The following PTPRT variants were observed in gnomAD, a reference collection of about 807,000 sequenced individuals.
PTPRT encodes the protein receptor-type tyrosine-protein phosphatase T.
Under a neutral mutation model 176.8 loss-of-function variants are expected in PTPRT, and 56 were observed. The observed-to-expected ratio is 0.32, with a 90% CI of 0.26 to 0.40. The LOEUF (loss-of-function observed/expected upper bound fraction) is 0.40. PTPRT is among the 10% of genes least tolerant of loss of function. PTPRT has a pLI of 1.00. For synonymous variants in PTPRT, 783 were observed against 739.0 expected (o/e 1.06, Z -0.96); for missense variants, 1,540 against 1,908.2 (o/e 0.81, Z 3.60).
chr20:42,896,987 CGG>C (rs1176958924), intron 1 of PTPRT, among the ~76,000 whole-genome samples: 1 of 151,830 alleles, frequency 6.6e-6, no homozygotes, highest in African/African-American at 2.4e-5. Context: ...AAGTGTGTGC[CGG>C]GGGGGTGTTT....
In PTPRT at chr20:43,189,004, G is replaced by A. The variant is rs1443955707; in HGVS notation, c.88+642C>T. Among the ~76,000 whole-genome samples the A allele has an allele frequency of 6.6e-6, 1 of 152,182 alleles. No individual in the cohort carries two copies. The highest frequency in any genetic ancestry group is 2.4e-5 in the African/African-American group (1 of 41,444). ...CGGGTCAAATCCACTCCCCTCCAAG[G>A]GCCTTAACACGGGCGCCCAGCTACC... On this transcript the variant is annotated intron_variant, in intron 1 of 30. Coordinates refer to ENST00000373187, the MANE Select transcript of PTPRT (RefSeq NM_007050.6). This position sits in a 1 kb window ranked among gnomAD's most constrained non-coding sequence, Gnocchi z 5.0.
intron 17 of PTPRT, among the ~76,000 whole-genome samples, chr20:42,154,861 G>T (rs992748753): frequency 1.3e-5 from 2 of 152,308 alleles, no homozygotes; most frequent in East Asian, 3.9e-4. Flanking sequence ...ACTGGAGCTG[G>T]GGGGGAAGCA....
At chr20:42,119,115 C>T (rs6072630) in intron 20 of PTPRT, among the ~76,000 whole-genome samples, 1 of 150,112 alleles carries the variant, frequency 6.7e-6, no homozygotes, top group Non-Finnish European at 1.5e-5. Flanking sequence ...TGTCCTGGGC[C>T]TTCATCATTT....
At chr20:42,643,753 T>G (rs1434936542) in intron 7 of PTPRT, among the ~76,000 whole-genome samples, 1 of 152,112 alleles carries the variant, frequency 6.6e-6, no homozygotes, top group Admixed American at 6.5e-5. Context: ...TGCATTGCTT[T>G]GTGCACACTA....
intron 16 of PTPRT, among the ~76,000 whole-genome samples, chr20:42,179,441 G>C (rs1211638578): frequency 6.6e-6 from 1 of 152,148 alleles, no homozygotes; most frequent in East Asian, 1.9e-4. Flanking sequence ...TCGTTAAAGA[G>C]TTAACAATGT....
At chr20:42,787,683 G>C (rs2077311289) in intron 3 of PTPRT, among the ~76,000 whole-genome samples, 2 of 152,146 alleles carry the variant, frequency 1.3e-5, no homozygotes, top group Admixed American at 1.3e-4. Context: ...AGAATATAAG[G>C]CTATATGCTT....
intron 1 of PTPRT, among the ~76,000 whole-genome samples, chr20:42,899,003 TG>T (rs1452961996): frequency 6.6e-6 from 1 of 152,056 alleles, no homozygotes; most frequent in Non-Finnish European, 1.5e-5. Flanking sequence ...AAAAACAGCA[TG>T]GGAGCAGATG....
At chr20:43,096,588 C>T (rs1442434351) in intron 1 of PTPRT, among the ~76,000 whole-genome samples, 2 of 152,214 alleles carry the variant, frequency 1.3e-5, no homozygotes, top group Admixed American at 1.3e-4. Flanking sequence ...AGGCTCCCGC[C>T]CCCCATCCAC....
At chr20:42,497,714 T>C (rs2071680269) in intron 7 of PTPRT, among the ~76,000 whole-genome samples, 1 of 152,214 alleles carries the variant, frequency 6.6e-6, no homozygotes, top group African/African-American at 2.4e-5. Context: ...AATTGCCTTT[T>C]ACTCCAATGA....
intron 7 of PTPRT, among the ~76,000 whole-genome samples, chr20:42,569,260 T>C (rs528811822): frequency 6.6e-6 from 1 of 151,370 alleles, no homozygotes; most frequent in East Asian, 2.0e-4. Context: ...AAAGTTACTG[T>C]GAGTAAATAC....
chr20:43,158,457 T>C (rs1225807985), intron 1 of PTPRT, among the ~76,000 whole-genome samples: 2 of 152,232 alleles, frequency 1.3e-5, no homozygotes, highest in Non-Finnish European at 2.9e-5. Flanking sequence ...GTCATTAGCA[T>C]GGAGAAGGTC....
At chr20:42,309,838 T>A (rs1403782515) in intron 12 of PTPRT, among the ~76,000 whole-genome samples, 2 of 152,134 alleles carry the variant, frequency 1.3e-5, no homozygotes, top group African/African-American at 2.4e-5. Flanking sequence ...CCACAATTCA[T>A]CACTCTTGGA....
At chr20:42,364,455 A>G (rs918579762) in intron 9 of PTPRT, among the ~76,000 whole-genome samples, 2 of 152,174 alleles carry the variant, frequency 1.3e-5, no homozygotes, top group Non-Finnish European at 2.9e-5. Flanking sequence ...CCTACTTACT[A>G]TGAGAAGGTT....
intron 15 of PTPRT, 37 bp downstream of exon 15, chr20:42,236,192 G>A: frequency 6.4e-7 from 1 of 1,551,692 alleles, no homozygotes; most frequent in South Asian, 1.1e-5. Context: ...TTCCCTTACA[G>A]GGCACGAAGC....
At chr20:42,740,161 G>A (rs2076587309) in intron 6 of PTPRT, among the ~76,000 whole-genome samples, 1 of 152,172 alleles carries the variant, frequency 6.6e-6, no homozygotes, top group Non-Finnish European at 1.5e-5. Flanking sequence ...ACAAGGTGTG[G>A]ATCTGGAGAT....
chr20:42,107,315 C>T (rs541534776), intron 23 of PTPRT, among the ~76,000 whole-genome samples: 103 of 152,176 alleles, frequency 6.8e-4, no homozygotes, highest in African/African-American at 1.7e-3. Flanking sequence ...AGGACAGAAA[C>T]GAGAGTCCTC....
intron 11 of PTPRT, among the ~76,000 whole-genome samples, chr20:42,336,744 T>C (rs2058045763): frequency 6.6e-6 from 1 of 152,174 alleles, no homozygotes; most frequent in Admixed American, 6.5e-5. Flanking sequence ...TTCAACCATA[T>C]GGAAATAGCT....
chr20:42,102,038 G>T, intron 26 of PTPRT, 86 bp downstream of exon 26: 2 of 1,488,236 alleles, frequency 1.3e-6, no homozygotes, highest in Non-Finnish European at 9.2e-7. Flanking sequence ...GTGGGGTCAG[G>T]GCCCTGAGGT....
chr20:42,460,923 C>T (rs1444279036), intron 8 of PTPRT, among the ~76,000 whole-genome samples: 1 of 152,212 alleles, frequency 6.6e-6, no homozygotes, highest in Non-Finnish European at 1.5e-5. Context: ...AACCAGCAAA[C>T]TGTAATCCCA....
Sources: gnomAD v4.1 joint callset for allele counts (sites outside exome capture counted in the v4.1 genomes callset) on GRCh38, gnomAD v4.1.1 for gene constraint, Gnocchi (gnomAD v3.1) non-coding constraint, MANE v1.5 for transcripts, NCBI Gene and HGNC (gene_info 2026-07-23, HGNC 2026-07-21) for gene names.